The following ASAP1 variants were observed in gnomAD, a reference collection of about 807,000 sequenced individuals.
ASAP1 encodes the protein ArfGAP with SH3 domain, ankyrin repeat and PH domain 1.
A neutral mutation model predicts 145.2 loss-of-function variants in ASAP1; 43 were observed. The ratio of observed to expected loss-of-function variants is 0.30; its 90% CI spans 0.23 to 0.38. The LOEUF (loss-of-function observed/expected upper bound fraction) is 0.38, where lower values mean the gene tolerates loss of function less well. ASAP1 is among the 10% of genes least tolerant of loss of function. ASAP1 has a pLI of 1.00. For synonymous variants in ASAP1, 546 were observed against 515.5 expected (o/e 1.06, Z -0.80); for missense variants, 1,018 against 1,355.3 (o/e 0.75, Z 3.91).
At chr8:130,253,299 A>C (rs1819315939) in intron 3 of ASAP1, among the ~76,000 whole-genome samples, 3 of 152,210 alleles carry the variant, frequency 2.0e-5, no homozygotes, top group Admixed American at 1.3e-4. Context: ...TATAGTAATT[A>C]ATCTCATAGA....
chr8:130,414,335 G>A (rs1368750504), intron 1 of ASAP1, among the ~76,000 whole-genome samples: 1 of 152,168 alleles, frequency 6.6e-6, no homozygotes, highest in Non-Finnish European at 1.5e-5. Flanking sequence ...CTAAAACCTT[G>A]TTACCACCTA....
At chr8:130,160,326 T>G (rs920393228) in intron 11 of ASAP1, among the ~76,000 whole-genome samples, 6 of 152,154 alleles carry the variant, frequency 3.9e-5, no homozygotes. Flanking sequence ...AAAAATGAAG[T>G]GGACCAGAAA....
intron 1 of ASAP1, among the ~76,000 whole-genome samples, chr8:130,410,384 G>A (rs1829213436): frequency 6.6e-6 from 1 of 152,042 alleles, no homozygotes; most frequent in Non-Finnish European, 1.5e-5. Flanking sequence ...ACAGCCTCGG[G>A]ACCCCCAAGA....
At chr8:130,349,517 C>T (rs913195542) in intron 3 of ASAP1, among the ~76,000 whole-genome samples, 2 of 152,170 alleles carry the variant, frequency 1.3e-5, no homozygotes, top group South Asian at 2.1e-4. Flanking sequence ...GGTACTTATC[C>T]CCATGAGGAA....
chr8:130,348,942 G>A (rs1364271527), intron 3 of ASAP1, among the ~76,000 whole-genome samples: 1 of 152,230 alleles, frequency 6.6e-6, no homozygotes, highest in African/African-American at 2.4e-5. Context: ...GCAAGAATCA[G>A]AAGGGGCAGC....
intron 23 of ASAP1, among the ~76,000 whole-genome samples, chr8:130,114,666 A>C (rs1402759930): frequency 6.6e-6 from 1 of 152,044 alleles, no homozygotes; most frequent in Non-Finnish European, 1.5e-5. Context: ...ATCCCCATTG[A>C]GTATGCAGTG....
At chr8:130,189,824 G>GT (rs1158255173) in intron 5 of ASAP1, among the ~76,000 whole-genome samples, 4 of 151,712 alleles carry the variant, frequency 2.6e-5, no homozygotes, top group Non-Finnish European at 4.4e-5. Context: ...ATCCATTACT[G>GT]TTTTTTTTAT....
intron 3 of ASAP1, among the ~76,000 whole-genome samples, chr8:130,272,387 G>A (rs1032806078): frequency 2.6e-5 from 4 of 152,124 alleles, no homozygotes; most frequent in East Asian, 1.9e-4. Flanking sequence ...TCTACACATC[G>A]TTGGTAGGAA....
chr8:130,222,992 A>G (rs1349223473), intron 4 of ASAP1, among the ~76,000 whole-genome samples: 1 of 152,198 alleles, frequency 6.6e-6, no homozygotes, highest in African/African-American at 2.4e-5. Flanking sequence ...ATGTCAGGAG[A>G]CTGAAGCTCC....
chr8:130,248,976 C>T (rs934978354), intron 3 of ASAP1, among the ~76,000 whole-genome samples: 1 of 152,116 alleles, frequency 6.6e-6, no homozygotes. Flanking sequence ...TGTTAATAGG[C>T]TAGATTCGAA....
intron 15 of ASAP1, 62 bp downstream of exon 15, chr8:130,134,234 T>C (rs2097588992): frequency 2.3e-6 from 3 of 1,308,076 alleles, no homozygotes; most frequent in Non-Finnish European, 2.1e-6. Flanking sequence ...TTGATGTGTA[T>C]TGTAAACAGA....
At chr8:130,296,334 T>C (rs927609918) in intron 3 of ASAP1, among the ~76,000 whole-genome samples, 2 of 152,180 alleles carry the variant, frequency 1.3e-5, no homozygotes, top group Non-Finnish European at 2.9e-5. Flanking sequence ...TCTCTGTTCA[T>C]GAGAGTCACC....
At chr8:130,308,271 C>T (rs1823114804) in intron 3 of ASAP1, among the ~76,000 whole-genome samples, 1 of 152,170 alleles carries the variant, frequency 6.6e-6, no homozygotes. Flanking sequence ...ATAAGATTCT[C>T]AACTCCAAAC....
At chr8:130,265,159 C>T (rs2137015567) in intron 3 of ASAP1, among the ~76,000 whole-genome samples, 1 of 152,226 alleles carries the variant, frequency 6.6e-6, no homozygotes, top group Middle Eastern at 3.4e-3. Context: ...TTCCCCAGAG[C>T]ACCTAGAGCA....
intron 5 of ASAP1, among the ~76,000 whole-genome samples, chr8:130,188,723 C>CAAAAAAAAAAAAAAAAAAAAAAAAA (rs370580190): frequency 3.6e-5 from 3 of 83,844 alleles, no homozygotes; most frequent in African/African-American, 4.7e-5. Context: ...GAGACTCTCT[C>CAAAAAAAAAAAAAAAAAAAAAAAAA]AAAAAAAAAA....
At chr8:130,289,829 C>T (rs1259941018) in intron 3 of ASAP1, among the ~76,000 whole-genome samples, 3 of 152,148 alleles carry the variant, frequency 2.0e-5, no homozygotes, top group African/African-American at 7.2e-5. Flanking sequence ...CAACATACCC[C>T]ACAGGGACTA....
chr8:130,125,137 C>T (rs958575864), intron 17 of ASAP1, among the ~76,000 whole-genome samples: 1 of 152,142 alleles, frequency 6.6e-6, no homozygotes, highest in African/African-American at 2.4e-5. Flanking sequence ...TCAGGTTCTG[C>T]TCAAGGGTGA....
chr8:130,149,750 T>G lies in ASAP1; in HGVS notation c.1080+2986A>C, dbSNP rs2097641707. Among the ~76,000 whole-genome samples, 4 of 152,202 alleles carry G rather than the reference T, an allele frequency of 2.6e-5. No homozygotes were observed. The South Asian group carries it at 8.3e-4, about 31-fold the overall frequency. On this transcript the variant is annotated intron_variant, in intron 13 of 29. Coordinates refer to ENST00000518721, the MANE Select transcript of ASAP1 (RefSeq NM_018482.4). ...CTGCTGGCCTTGATTTTCAATCTAATTCTAATCAATGGTGTTTGCAAAGTC... is the reference window on the plus strand; with the variant it reads ...CTGCTGGCCTTGATTTTCAATCTAAGTCTAATCAATGGTGTTTGCAAAGTC...
At chr8:130,087,383 T>G (rs4733764) in intron 25 of ASAP1, among the ~76,000 whole-genome samples, 85,656 of 151,924 alleles carry the variant, frequency 0.56, 24,346 homozygotes, top group East Asian at 0.68. Context: ...AGCTGGACAT[T>G]GTGGCGGGTG....
Sources: gnomAD v4.1 joint callset for allele counts (sites outside exome capture counted in the v4.1 genomes callset) on GRCh38, gnomAD v4.1.1 for gene constraint, MANE v1.5 for transcripts, NCBI Gene and HGNC (gene_info 2026-07-23, HGNC 2026-07-21) for gene names.